Variants in DGKI observed in about 807,000 individuals in gnomAD.
DGKI encodes diacylglycerol kinase iota.
DGKI carries 55 observed loss-of-function variants against 147.5 expected under a neutral mutation model. That is an observed-to-expected ratio of 0.37 (90% CI 0.30 to 0.47). The LOEUF (loss-of-function observed/expected upper bound fraction) is 0.47. Ranked by LOEUF, DGKI falls within the 20% of genes least tolerant of loss-of-function variation. The probability of loss-of-function intolerance (pLI) is 1.00; values close to 1 mark genes in which losing one functional copy is unlikely to be tolerated. For synonymous variants in DGKI, 469 were observed against 477.1 expected, an observed-to-expected ratio of 0.98 and a Z score of 0.22; for missense variants, 1,007 against 1,323.8, an observed-to-expected ratio of 0.76 and a Z score of 3.71.
chr7:137,535,687 G>A (rs1238877872), intron 20 of DGKI, among the ~76,000 whole-genome samples: 1 of 152,130 alleles, frequency 6.6e-6, no homozygotes, highest in African/African-American at 2.4e-5. Context: ...CTACACCTAT[G>A]AGGACATAAA....
chr7:137,722,971 C>A, intron 1 of DGKI: 1 of 568,316 alleles, frequency 1.8e-6, no homozygotes, highest in East Asian at 2.8e-5. Flanking sequence ...GTTACCTATC[C>A]TGAGATAAAT....
At chr7:137,536,283 T>C (rs1388029225) in intron 20 of DGKI, among the ~76,000 whole-genome samples, 2 of 152,182 alleles carry the variant, frequency 1.3e-5, no homozygotes, top group African/African-American at 4.8e-5. Context: ...TCTTCTCATC[T>C]AGGGAATGAG....
At chr7:137,417,407 TG>T (rs1281899870) in intron 28 of DGKI, among the ~76,000 whole-genome samples, 3 of 152,234 alleles carry the variant, frequency 2.0e-5, no homozygotes, top group African/African-American at 7.2e-5. Flanking sequence ...CCTTCTATGC[TG>T]TATCTTCAAA....
chr7:137,577,264 T>C lies in DGKI; in HGVS notation c.1719A>G (p.Leu573=), dbSNP rs1312857413. Reference sequence around the variant, plus strand: ...TGGATAGATCTCTAGAACTTCTCTGTAGGAAGTCAGAAAAAGCTGCCTATA... The same window carrying C: ...TGGATAGATCTCTAGAACTTCTCTGCAGGAAGTCAGAAAAAGCTGCCTATA... The part of the protein sequence containing the change: ...FYAGAAFSDF[L]QRSSRDLSKH... Residue 573 remains leucine (L), a synonymous_variant, in exon 17 of 33, where the codon CTA becomes CTG. Transcript: ENST00000614521. The C allele has an allele frequency of 2.5e-6, 4 of 1,600,938 alleles. No homozygotes were observed. Among genetic ancestry groups the C allele is most frequent in the Non-Finnish European group, 3.4e-6 (4 of 1,171,418 alleles).
chr7:137,643,856 C>T (rs1585321821), intron 6 of DGKI, among the ~76,000 whole-genome samples: 1 of 152,174 alleles, frequency 6.6e-6, no homozygotes, highest in Non-Finnish European at 1.5e-5. Flanking sequence ...TCCATTATGG[C>T]TTACATTATT....
In DGKI at chr7:137,485,371, T is replaced by A. The variant is rs1170406124; in HGVS notation, c.2373+3A>T. The A allele has an allele frequency of 6.2e-7, 1 of 1,606,334 alleles. No homozygotes were observed. The highest frequency in any genetic ancestry group is 8.5e-7 in the Non-Finnish European group (1 of 1,175,538). On this transcript the variant is annotated splice_donor_region_variant and intron_variant, in intron 23 of 32. Coordinates refer to ENST00000614521, the MANE Select transcript of DGKI (RefSeq NM_001321708.2). ...GAAACAAGGAGAGTCAATTATTTGT[T>A]ACCTGGTAATGAACTCTCTGGGAGC... is the stretch of plus-strand genomic sequence containing the variant.
At chr7:137,583,258 G>A (rs1195645871) in intron 14 of DGKI, among the ~76,000 whole-genome samples, 2 of 152,168 alleles carry the variant, frequency 1.3e-5, no homozygotes, top group Non-Finnish European at 2.9e-5. Flanking sequence ...AGGACCGAGA[G>A]AGAAACTAAA....
chr7:137,701,385 A>G (rs1823979183), intron 1 of DGKI, among the ~76,000 whole-genome samples: 1 of 145,826 alleles, frequency 6.9e-6, no homozygotes, highest in Non-Finnish European at 1.5e-5. Flanking sequence ...TAATAAAGGC[A>G]TACATATTGG....
intron 26 of DGKI, among the ~76,000 whole-genome samples, chr7:137,464,853 T>C (rs1814593827): frequency 6.6e-6 from 1 of 152,238 alleles, no homozygotes; most frequent in Admixed American, 6.5e-5. Flanking sequence ...ATTTACTATT[T>C]GGGCACATTG....
intron 3 of DGKI, among the ~76,000 whole-genome samples, chr7:137,673,720 C>T (rs141985896): frequency 2.2e-3 from 332 of 152,250 alleles, no homozygotes; most frequent in African/African-American, 7.3e-3. Context: ...TGTGTGACCA[C>T]GGTGGGTGTA....
chr7:137,440,463 A>G lies in DGKI; in HGVS notation c.2761+3614T>C, dbSNP rs114346297. ...ACACAGTAGTAAATATACTCTTGTT[A>G]GAGGAGGGAAGAATTATCTCCATAG... On this transcript the variant is annotated intron_variant, in intron 28 of 32. Coordinates refer to ENST00000614521, the MANE Select transcript of DGKI (RefSeq NM_001321708.2). Among the ~76,000 whole-genome samples the G allele has an allele frequency of 4.2e-3, 646 of 152,360 alleles. 3 individuals carry two copies. The highest frequency in any genetic ancestry group is 0.015 in the African/African-American group (617 of 41,588).
chr7:137,597,941 G>A (rs747785944), intron 11 of DGKI, 34 bp from the exon 12 acceptor site: 1 of 1,595,924 alleles, frequency 6.3e-7, no homozygotes, highest in East Asian at 2.2e-5. Flanking sequence ...GTAAACAAAA[G>A]AACATTTCAC....
At chr7:137,799,296 C>G (rs921030369) in intron 1 of DGKI, among the ~76,000 whole-genome samples, 1 of 151,990 alleles carries the variant, frequency 6.6e-6, no homozygotes, top group Non-Finnish European at 1.5e-5. Flanking sequence ...TTTGAAATGC[C>G]CAGAATAGGC....
chr7:137,504,469 G>A (rs1405805072), intron 21 of DGKI, among the ~76,000 whole-genome samples: 1 of 152,012 alleles, frequency 6.6e-6, no homozygotes, highest in African/African-American at 2.4e-5. Context: ...AATTGTGGAG[G>A]CTTTTTAAAA....
At chr7:137,546,658 G>A (rs761785110) in intron 20 of DGKI, among the ~76,000 whole-genome samples, 1 of 152,166 alleles carries the variant, frequency 6.6e-6, no homozygotes, top group Non-Finnish European at 1.5e-5. Context: ...GCAGCTGCTA[G>A]AAAAGACAAA....
rs184225829 is a variant in DGKI, at chr7:137,424,621, T to C, written c.2762-12414A>G. ...TTGGGAAGCACAAGGGGTCAGGGAG[T>C]TCCCTTTGCTAGTCAGAGAAAGGGG... On this transcript the variant is annotated intron_variant, in intron 28 of 32. Transcript: ENST00000614521. Among the ~76,000 whole-genome samples, 1,018 of 152,036 alleles carry C rather than the reference T, an allele frequency of 6.7e-3. 13 individuals carry two copies. Among genetic ancestry groups the C allele is most frequent in the African/African-American group, 0.024 (982 of 41,476 alleles).
At chr7:137,456,139 C>T (rs761758949) in intron 27 of DGKI, among the ~76,000 whole-genome samples, 3 of 152,068 alleles carry the variant, frequency 2.0e-5, no homozygotes, top group Non-Finnish European at 2.9e-5. Context: ...CTTCCTATAC[C>T]GACCATACTT....
At chr7:137,605,488 T>C (rs1268517780) in intron 10 of DGKI, among the ~76,000 whole-genome samples, 1 of 152,088 alleles carries the variant, frequency 6.6e-6, no homozygotes, top group African/African-American at 2.4e-5. Context: ...GTGTCATCGC[T>C]ACCTTAAGAG....
intron 6 of DGKI, among the ~76,000 whole-genome samples, chr7:137,632,248 G>A (rs1450181681): frequency 2.0e-5 from 3 of 152,214 alleles, no homozygotes; most frequent in Non-Finnish European, 4.4e-5. Context: ...CAAGAGAGAT[G>A]AGGGCAGATG....
Sources: gnomAD v4.1 joint callset for allele counts (sites outside exome capture counted in the v4.1 genomes callset) on GRCh38, gnomAD v4.1.1 for gene constraint, MANE v1.5 for transcripts, NCBI Gene and HGNC (gene_info 2026-07-23, HGNC 2026-07-21) for gene names.